SCHIP1: variants seen among roughly 807,000 people sequenced by gnomAD.
SCHIP1 encodes the protein schwannomin interacting protein 1.
Under a neutral mutation model 29.7 loss-of-function variants are expected in SCHIP1, and 8 were observed. The ratio of observed to expected loss-of-function variants is 0.27; its 90% CI spans 0.16 to 0.49. The LOEUF is 0.49. Ranked by LOEUF, SCHIP1 falls within the 20% of genes least tolerant of loss-of-function variation. The pLI, the probability that SCHIP1 is intolerant of heterozygous loss-of-function variation, is 0.99. For missense variants in SCHIP1, 193 were observed against 294.6 expected, an observed-to-expected ratio of 0.66 and a Z score of 2.52; for synonymous variants, 76 against 94.9, an observed-to-expected ratio of 0.80 and a Z score of 1.16.
At chr3:159,357,107 G>A in the SCHIP1 span, among the ~76,000 whole-genome samples, 217 of 152,294 alleles carry the variant, frequency 1.4e-3, 1 homozygote, top group African/African-American at 5.0e-3. Context: ...TGTAGAATGA[G>A]TTTTAAGAGA....
At chr3:159,781,507 A>G in the SCHIP1 span, among the ~76,000 whole-genome samples, 3 of 152,354 alleles carry the variant, frequency 2.0e-5, no homozygotes, top group East Asian at 5.8e-4. Flanking sequence ...GCTTATGTGA[A>G]GCTTTTCAGC....
chr3:159,276,672 T>C, the SCHIP1 span, among the ~76,000 whole-genome samples: 4 of 152,166 alleles, frequency 2.6e-5, no homozygotes, highest in Non-Finnish European at 5.9e-5. Context: ...TAATCTTACC[T>C]TTTCCAGAGA....
chr3:159,520,142 A>G, the SCHIP1 span, among the ~76,000 whole-genome samples: 3 of 151,960 alleles, frequency 2.0e-5, no homozygotes, highest in South Asian at 2.1e-4. Context: ...GAAGGCAGAA[A>G]CATAAACAGG....
At chr3:159,580,832 TAGAATCAAAATTAGTGGCAGAAAG>T in the SCHIP1 span, among the ~76,000 whole-genome samples, 1 of 152,200 alleles carries the variant, frequency 6.6e-6, no homozygotes, top group Non-Finnish European at 1.5e-5. Flanking sequence ...TTATCTTTTC[TAGAATCAAAATTAGTGGCAGAAAG>T]AGAATCAAAG....
chr3:159,785,794 C>T, the SCHIP1 span, among the ~76,000 whole-genome samples: 1 of 152,058 alleles, frequency 6.6e-6, no homozygotes, highest in African/African-American at 2.4e-5. Flanking sequence ...ATCCAGGGTA[C>T]CCACTGAATG....
At chr3:159,749,973 C>T in the SCHIP1 span, among the ~76,000 whole-genome samples, 12 of 152,126 alleles carry the variant, frequency 7.9e-5, no homozygotes, top group South Asian at 2.5e-3. Context: ...GTGGTTTCCA[C>T]TCACTAGTAC....
At chr3:159,426,412 G>A in the SCHIP1 span, among the ~76,000 whole-genome samples, 1 of 152,174 alleles carries the variant, frequency 6.6e-6, no homozygotes, top group Non-Finnish European at 1.5e-5. Context: ...ACACCTCTAT[G>A]CAAATAAACT....
the SCHIP1 span, among the ~76,000 whole-genome samples, chr3:159,353,886 G>A: frequency 3.3e-4 from 50 of 152,200 alleles, no homozygotes; most frequent in Middle Eastern, 3.4e-3. Flanking sequence ...ATTAAACGCC[G>A]CCTTCTATCC....
the SCHIP1 span, among the ~76,000 whole-genome samples, chr3:159,509,066 G>T: frequency 4.6e-5 from 7 of 152,088 alleles, no homozygotes; most frequent in Non-Finnish European, 7.4e-5. Context: ...TTGACAGTGG[G>T]GTGTTAAAGT....
the SCHIP1 span, chr3:159,375,671 A>G: frequency 1.5e-4 from 41 of 276,182 alleles, no homozygotes; most frequent in East Asian, 6.8e-3. Context: ...CGGGAGGCGG[A>G]GGTTGCAGTG....
chr3:159,552,032 C>CTTTT, the SCHIP1 span, among the ~76,000 whole-genome samples: 48 of 103,556 alleles, frequency 4.6e-4, no homozygotes, highest in Admixed American at 8.4e-4. Context: ...TGCCACATTG[C>CTTTT]TTTTTTTTTT....
At position 159,875,044 on chromosome 3, in the gene SCHIP1, AT is replaced by A. The variant is rs1365654556; in HGVS notation, c.149+8769del. On this transcript the variant is annotated intron_variant, in intron 2 of 6. Transcript: ENST00000445224. The stretch of plus-strand genomic sequence containing the variant: ...AAAAAAAAAAAAAACAAAAACTATC[AT>A]TTTTTATGCCCCTCCTCTAAGGATT... 3.4e-5 allele frequency among the ~76,000 whole-genome samples: 5 copies of A among 148,142 alleles called. No homozygotes were observed. In the East Asian group the frequency reaches 5.8e-4, roughly 17 times the overall value.
chr3:159,760,152 T>TA, the SCHIP1 span, among the ~76,000 whole-genome samples: 1 of 152,194 alleles, frequency 6.6e-6, no homozygotes, highest in African/African-American at 2.4e-5. Flanking sequence ...GTATCTATAC[T>TA]CTTCCTTTAT....
the SCHIP1 span, among the ~76,000 whole-genome samples, chr3:159,334,925 G>A: frequency 6.8e-6 from 1 of 147,754 alleles, no homozygotes; most frequent in African/African-American, 2.5e-5. Context: ...TTTTGAGACC[G>A]AGTATTGCTC....
the SCHIP1 span, among the ~76,000 whole-genome samples, chr3:159,462,155 G>T: frequency 6.6e-6 from 1 of 152,046 alleles, no homozygotes; most frequent in African/African-American, 2.4e-5. Context: ...GTTGCAGTGA[G>T]CTGAGATCGC....
the SCHIP1 span, among the ~76,000 whole-genome samples, chr3:159,582,787 T>TACACACACACACAC: frequency 7.6e-5 from 11 of 144,136 alleles, no homozygotes; most frequent in Non-Finnish European, 1.2e-4. Flanking sequence ...AATATATATA[T>TACACACACACACAC]ACACACACAC....
the SCHIP1 span, among the ~76,000 whole-genome samples, chr3:159,728,167 G>A: frequency 6.6e-6 from 1 of 151,988 alleles, no homozygotes; most frequent in African/African-American, 2.4e-5. Context: ...TATGCCAGTG[G>A]GTGGGTAGAT....
chr3:159,376,611 C>A, the SCHIP1 span, among the ~76,000 whole-genome samples: 2 of 152,222 alleles, frequency 1.3e-5, no homozygotes, highest in African/African-American at 2.4e-5. Context: ...TTACTTTGAA[C>A]CTCAGTATCA....
chr3:159,519,342 GCTTTA>G, the SCHIP1 span, among the ~76,000 whole-genome samples: 10 of 152,158 alleles, frequency 6.6e-5, no homozygotes, highest in East Asian at 1.4e-3. Context: ...ACTTTTTATA[GCTTTA>G]CTTTACTCAT....
Sources: gnomAD v4.1 joint callset for allele counts (sites outside exome capture counted in the v4.1 genomes callset) on GRCh38, gnomAD v4.1.1 for gene constraint, MANE v1.5 for transcripts, NCBI Gene and HGNC (gene_info 2026-07-23, HGNC 2026-07-21) for gene names.